Variants in ADORA2B observed in about 807,000 individuals in gnomAD.
ADORA2B encodes the protein adenosine receptor A2b.
Under a neutral mutation model 20.8 loss-of-function variants are expected in ADORA2B, and 18 were observed. That is an observed-to-expected ratio of 0.87 (90% confidence interval 0.60 to 1.29). The LOEUF is 1.29. Ranked by LOEUF, ADORA2B falls within the 50% of genes most tolerant of loss-of-function variation. ADORA2B has a pLI of 0.00. For missense variants in ADORA2B, 441 were observed against 422.7 expected (o/e 1.04, Z -0.38); for synonymous variants, 179 against 178.3 (o/e 1.00, Z -0.03).
the ADORA2B span, among the ~76,000 whole-genome samples, chr17:15,854,567 G>A: frequency 9.2e-5 from 14 of 152,280 alleles, no homozygotes; most frequent in Admixed American, 2.0e-4. Context: ...GAATGAGATA[G>A]GAATGCCCCA....
the ADORA2B span, among the ~76,000 whole-genome samples, chr17:15,888,815 CATATATATATATATAT>C: frequency 1.9e-4 from 3 of 15,730 alleles, no homozygotes; most frequent in Admixed American, 1.2e-3. Context: ...TATGTGATGC[CATATATATATATATAT>C]ATATATATAT....
intron 1 of ADORA2B, among the ~76,000 whole-genome samples, chr17:15,957,374 T>C (rs1172901605): frequency 6.6e-6 from 1 of 152,122 alleles, no homozygotes; most frequent in Non-Finnish European, 1.5e-5. Flanking sequence ...AGATCTGCCA[T>C]TGTGGAGCAG....
chr17:15,937,437 C>T, the ADORA2B span, among the ~76,000 whole-genome samples: 5 of 152,258 alleles, frequency 3.3e-5, no homozygotes, highest in Non-Finnish European at 7.3e-5. Context: ...CTACTTTAGC[C>T]TTTATTTCCT....
chr17:15,956,429 T>G (rs1013605484), intron 1 of ADORA2B, among the ~76,000 whole-genome samples: 1 of 152,108 alleles, frequency 6.6e-6, no homozygotes, highest in African/African-American at 2.4e-5. Context: ...CCCTGCTGTT[T>G]GCTAGACTGG....
At chr17:15,923,903 G>T in the ADORA2B span, among the ~76,000 whole-genome samples, 124 of 151,798 alleles carry the variant, frequency 8.2e-4, 1 homozygote, top group African/African-American at 2.8e-3. Flanking sequence ...TGTTTTTTTT[G>T]TTGTTGTTAT....
chr17:15,867,927 A>T, the ADORA2B span, among the ~76,000 whole-genome samples: 1 of 151,872 alleles, frequency 6.6e-6, no homozygotes, highest in Non-Finnish European at 1.5e-5. Context: ...TGTGGAATAG[A>T]AAGGGGGGAA....
chr17:15,898,223 G>T, the ADORA2B span, among the ~76,000 whole-genome samples: 1 of 152,122 alleles, frequency 6.6e-6, no homozygotes, highest in African/African-American at 2.4e-5. Flanking sequence ...GACCTTGTTG[G>T]AAGATTATAT....
the ADORA2B span, among the ~76,000 whole-genome samples, chr17:15,927,515 C>T: frequency 1.3e-4 from 19 of 151,528 alleles, no homozygotes; most frequent in South Asian, 3.6e-3. Context: ...GGTGTGGTGG[C>T]GGGTGCCTGT....
the ADORA2B span, among the ~76,000 whole-genome samples, chr17:15,856,727 C>T: frequency 6.6e-6 from 1 of 152,188 alleles, no homozygotes; most frequent in African/African-American, 2.4e-5. Flanking sequence ...AGCAAAGAGA[C>T]TGATGGCATT....
intron 1 of ADORA2B, among the ~76,000 whole-genome samples, chr17:15,966,140 T>C (rs993672279): frequency 6.6e-6 from 1 of 152,260 alleles, no homozygotes; most frequent in Non-Finnish European, 1.5e-5. Flanking sequence ...GAAATGTATG[T>C]ATTTCAGAGG....
chr17:15,938,421 GC>G, the ADORA2B span, among the ~76,000 whole-genome samples: 1 of 152,158 alleles, frequency 6.6e-6, no homozygotes, highest in Non-Finnish European at 1.5e-5. Flanking sequence ...TGCTGCCTCA[GC>G]CTCCTGAGTA....
chr17:15,895,619 A>T, the ADORA2B span, among the ~76,000 whole-genome samples: 2 of 152,164 alleles, frequency 1.3e-5, no homozygotes, highest in African/African-American at 4.8e-5. Context: ...CACCAACCAC[A>T]TGGGGTCTTG....
At chr17:15,860,516 G>A in the ADORA2B span, among the ~76,000 whole-genome samples, 1 of 152,034 alleles carries the variant, frequency 6.6e-6, no homozygotes, top group Non-Finnish European at 1.5e-5. Flanking sequence ...TTACCTGGGG[G>A]CAGGTAATGT....
chr17:15,938,829 C>CT, the ADORA2B span, among the ~76,000 whole-genome samples: 3 of 152,194 alleles, frequency 2.0e-5, no homozygotes, highest in Non-Finnish European at 1.5e-5. Context: ...AGTATTTCGA[C>CT]TGTATAATTA....
At chr17:15,923,375 C>T in the ADORA2B span, among the ~76,000 whole-genome samples, 23,008 of 145,330 alleles carry the variant, frequency 0.16, 2,049 homozygotes, top group Non-Finnish European at 0.2. Context: ...CTGTCTCTCT[C>T]TCTATGTGTG....
the ADORA2B span, among the ~76,000 whole-genome samples, chr17:15,923,874 G>T: frequency 1.3e-5 from 2 of 151,904 alleles, no homozygotes; most frequent in Non-Finnish European, 2.9e-5. Flanking sequence ...TTTAATTTTT[G>T]TCTCTTCTTT....
chr17:15,910,280 C>G, the ADORA2B span, among the ~76,000 whole-genome samples: 1 of 151,992 alleles, frequency 6.6e-6, no homozygotes, highest in Non-Finnish European at 1.5e-5. Context: ...GCTTTGAATG[C>G]GGCCCAACAC....
At chr17:15,944,499 G>A (rs1486021327), upstream of ADORA2B, among the ~76,000 whole-genome samples, 1 of 152,224 alleles carries the variant, frequency 6.6e-6, no homozygotes, top group East Asian at 1.9e-4. The surrounding 1 kb of genome is among the most constrained non-coding windows in gnomAD (Gnocchi z 4.8). Context: ...AGAAGGCAGA[G>A]CGGGGCCGTA....
the ADORA2B span, among the ~76,000 whole-genome samples, chr17:15,924,817 A>AC: frequency 5.4e-5 from 8 of 148,330 alleles, no homozygotes; most frequent in South Asian, 1.7e-3. Context: ...TTCCCTGTTT[A>AC]CCCCCCTTAG....
Sources: gnomAD v4.1 joint callset for allele counts (sites outside exome capture counted in the v4.1 genomes callset) on GRCh38, gnomAD v4.1.1 for gene constraint, Gnocchi (gnomAD v3.1) non-coding constraint, MANE v1.5 for transcripts, NCBI Gene and HGNC (gene_info 2026-07-23, HGNC 2026-07-21) for gene names.